The following SHISAL2B variants were observed in gnomAD, a reference collection of about 807,000 sequenced individuals.
SHISAL2B encodes shisa like 2B, also known as protein shisa-like-2B.
SHISAL2B carries 12 observed loss-of-function variants against 16.5 expected under a neutral mutation model. The observed-to-expected ratio is 0.73, with a 90% confidence interval of 0.47 to 1.18. The LOEUF is 1.18. SHISAL2B is among the 50% of genes most tolerant of loss of function. The pLI is 0.00. For synonymous variants in SHISAL2B, 72 were observed against 75.0 expected (o/e 0.96, Z 0.21); for missense variants, 183 against 193.6 (o/e 0.95, Z 0.33).
In SHISAL2B at chr5:64,690,632, G is replaced by A. The variant is rs1217784992; in HGVS notation, c.9G>A (p.Glu3=). 10 of 1,497,816 alleles carry A rather than the reference G, an allele frequency of 6.7e-6. No homozygotes were observed. The highest frequency in any genetic ancestry group is 3.6e-4 in the Middle Eastern group (2 of 5,604). 92.8% of individuals were successfully genotyped at this position (1,497,816 alleles called of 1,614,324 possible). ...CCCGGCCCCTGCCCGCGATGAGCGA[G>A]GCCAGCCGACTGTGCTCCGGCTACT... MS[E]ASRLCSGYYS... The change falls in exon 1 of 3, where the codon GAG becomes GAA. Residue 3 remains glutamate, a synonymous_variant. Transcript: ENST00000389074.
intron 2 of SHISAL2B, among the ~76,000 whole-genome samples, chr5:64,701,686 C>T (rs1480344023): frequency 6.6e-6 from 1 of 152,022 alleles, no homozygotes; most frequent in African/African-American, 2.4e-5. Context: ...TTGATGTTCT[C>T]TTTTGTAAAG....
At chr5:64,694,950 G>A (rs1034748620) in intron 1 of SHISAL2B, among the ~76,000 whole-genome samples, 6 of 152,024 alleles carry the variant, frequency 3.9e-5, no homozygotes, top group Admixed American at 1.3e-4. Context: ...ATATGAACAC[G>A]TGGTCTTCCA....
intron 2 of SHISAL2B, among the ~76,000 whole-genome samples, chr5:64,696,926 C>T (rs1004228851): frequency 6.6e-6 from 1 of 152,168 alleles, no homozygotes; most frequent in African/African-American, 2.4e-5. Flanking sequence ...CCCTTTGACG[C>T]TTGTGATCTT....
chr5:64,702,677 G>T (rs1741826562), intron 2 of SHISAL2B, among the ~76,000 whole-genome samples: 1 of 151,884 alleles, frequency 6.6e-6, no homozygotes, highest in Non-Finnish European at 1.5e-5. Context: ...AGGTAATTAT[G>T]TAGTTGTCGA....
chr5:64,709,798 G>A (rs1741932403), intron 2 of SHISAL2B, among the ~76,000 whole-genome samples: 1 of 152,074 alleles, frequency 6.6e-6, no homozygotes, highest in Admixed American at 6.5e-5. Flanking sequence ...GTGATGATGA[G>A]CATTTTTTTC....
rs79949481 is a variant in SHISAL2B at position 64,690,707 on chromosome 5, C to T, written c.84C>T (p.Gly28=). The T allele has an allele frequency of 5.1e-5, 79 of 1,535,374 alleles. No homozygotes were observed. The East Asian group carries it at 1.7e-3, about 34-fold the overall frequency. ...AGCCCTTCCAGTGCCCCCGGCGCGGCGAGGGGGCAGCGCTCCAGTATTGCT... is the reference window on the plus strand; with the variant it reads ...AGCCCTTCCAGTGCCCCCGGCGCGGTGAGGGGGCAGCGCTCCAGTATTGCT... ...FVEPFQCPRR[G]EGAALQYCCG... Residue 28 remains glycine, a synonymous_variant, in exon 1 of 3, where the codon GGC becomes GGT. Coordinates refer to ENST00000389074, the MANE Select transcript of SHISAL2B (RefSeq NM_001164442.2).
chr5:64,699,984 G>C (rs1227416590), intron 2 of SHISAL2B, among the ~76,000 whole-genome samples: 8 of 152,148 alleles, frequency 5.3e-5, no homozygotes, highest in Non-Finnish European at 1.0e-4. Flanking sequence ...GCAATTGATT[G>C]GTCTTTAAGT....
intron 2 of SHISAL2B, among the ~76,000 whole-genome samples, chr5:64,717,469 G>T (rs976169833): frequency 2.6e-5 from 4 of 152,120 alleles, no homozygotes; most frequent in Non-Finnish European, 5.9e-5. Context: ...GCACTACTGT[G>T]TCCTTTTAAT....
chr5:64,691,902 A>G (rs1433871879), intron 1 of SHISAL2B, among the ~76,000 whole-genome samples: 2 of 152,214 alleles, frequency 1.3e-5, no homozygotes, highest in Non-Finnish European at 2.9e-5. Flanking sequence ...AGTCTCCTAC[A>G]TGACCCAGAA....
At chr5:64,709,826 A>T (rs1741932878) in intron 2 of SHISAL2B, among the ~76,000 whole-genome samples, 1 of 152,110 alleles carries the variant, frequency 6.6e-6, no homozygotes, top group African/African-American at 2.4e-5. Context: ...TTTTGGCTGC[A>T]TAAATGTCTT....
chr5:64,712,299 C>T (rs1311806463), intron 2 of SHISAL2B, among the ~76,000 whole-genome samples: 8 of 152,018 alleles, frequency 5.3e-5, no homozygotes, highest in Non-Finnish European at 1.2e-4. Context: ...GTTATGTACC[C>T]AGTAGTCATT....
Position 64,718,170 on chromosome 5 carries a change from A to T in SHISAL2B, c.*148A>T. On this transcript the variant is annotated 3_prime_UTR_variant, in exon 3 of 3. Coordinates refer to ENST00000389074, the MANE Select transcript of SHISAL2B (RefSeq NM_001164442.2). The stretch of plus-strand genomic sequence containing the variant: ...GCATTTTTGATCATTCAGTTACTTT[A>T]TTAAACGCACATTAAGGTTTTATTG... The T allele has an allele frequency of 1.7e-6, 1 of 585,086 alleles. No individual in the cohort carries two copies. Among genetic ancestry groups the T allele is most frequent in the Non-Finnish European group, 2.7e-6 (1 of 366,410 alleles). 36.2% of individuals were successfully genotyped at this position (585,086 alleles called of 1,614,324 possible).
chr5:64,704,169 G>A (rs1741846578), intron 2 of SHISAL2B, among the ~76,000 whole-genome samples: 1 of 152,298 alleles, frequency 6.6e-6, no homozygotes, highest in East Asian at 1.9e-4. Flanking sequence ...GCAGATGATA[G>A]TAGAAAGGCT....
At chr5:64,693,168 T>C (rs951402733) in intron 1 of SHISAL2B, among the ~76,000 whole-genome samples, 28 of 152,078 alleles carry the variant, frequency 1.8e-4, no homozygotes, top group Non-Finnish European at 2.8e-4. Context: ...CCACCATGCC[T>C]GGCTAATTTT....
At chr5:64,717,454 T>C (rs1449382119) in intron 2 of SHISAL2B, among the ~76,000 whole-genome samples, 6 of 152,202 alleles carry the variant, frequency 3.9e-5, no homozygotes, top group Non-Finnish European at 7.4e-5. Flanking sequence ...GTGAATGGGA[T>C]TGTGGCACTA....
At chr5:64,716,973 A>G (rs878892903) in intron 2 of SHISAL2B, among the ~76,000 whole-genome samples, 1 of 152,222 alleles carries the variant, frequency 6.6e-6, no homozygotes, top group Non-Finnish European at 1.5e-5. Flanking sequence ...ATGTATTTTA[A>G]AAGTATAGTC....
chr5:64,692,498 T>C (rs1741665209), intron 1 of SHISAL2B, among the ~76,000 whole-genome samples: 1 of 152,210 alleles, frequency 6.6e-6, no homozygotes, highest in South Asian at 2.1e-4. Context: ...GTTATTGAGC[T>C]CTGAGAACAC....
chr5:64,714,041 G>A (rs1741999340), intron 2 of SHISAL2B, among the ~76,000 whole-genome samples: 4 of 145,076 alleles, frequency 2.8e-5, no homozygotes, highest in South Asian at 2.2e-4. Context: ...CTCTCAGCTC[G>A]TCAAAATCAT....
chr5:64,709,194 C>A (rs1209057518), intron 2 of SHISAL2B, among the ~76,000 whole-genome samples: 2 of 115,924 alleles, frequency 1.7e-5, no homozygotes, highest in East Asian at 3.0e-4. Flanking sequence ...CCCCTCCCCC[C>A]ACCCCACCAC....
Sources: gnomAD v4.1 joint callset for allele counts (sites outside exome capture counted in the v4.1 genomes callset) on GRCh38, gnomAD v4.1.1 for gene constraint, MANE v1.5 for transcripts, NCBI Gene and HGNC (gene_info 2026-07-23, HGNC 2026-07-21) for gene names.